The following ANKRD11 variants were observed in gnomAD, a reference collection of about 807,000 sequenced individuals.
ANKRD11 encodes the protein ankyrin repeat domain 11, also known as ankyrin repeat domain-containing protein 11.
Under a neutral mutation model 195.7 loss-of-function variants are expected in ANKRD11, and 17 were observed. The observed-to-expected ratio is 0.09, with a 90% CI of 0.06 to 0.13. ANKRD11 has a LOEUF of 0.13. Among genes scored for constraint, ANKRD11 ranks in the 10% least tolerant of loss-of-function variants. The pLI is 1.00. For synonymous variants in ANKRD11, 1,953 were observed against 1,528.1 expected (o/e 1.28, Z -6.49); for missense variants, 3,735 against 3,566.1 (o/e 1.05, Z -1.21).
chr16:89,408,558 GGCTGACGAGCGTGA>G (rs950040161), intron 2 of ANKRD11, among the ~76,000 whole-genome samples: 19 of 152,346 alleles, frequency 1.2e-4, no homozygotes, highest in African/African-American at 3.8e-4. Context: ...CCAGTGCCCA[GGCTGACGAGCGTGA>G]GCACTGCCCC....
At chr16:89,328,026 A>C (rs2037826894) in intron 2 of ANKRD11, among the ~76,000 whole-genome samples, 1 of 152,260 alleles carries the variant, frequency 6.6e-6, no homozygotes, top group Admixed American at 6.5e-5. Context: ...AGTATCAAAC[A>C]ACAAACATTA....
chr16:89,475,489 T>C (rs934628585), intron 1 of ANKRD11, among the ~76,000 whole-genome samples: 2 of 152,118 alleles, frequency 1.3e-5, no homozygotes, highest in African/African-American at 4.8e-5. Context: ...TAAAATGAAA[T>C]ATTGCAGTCA....
chr16:89,457,761 G>C (rs531718278), intron 1 of ANKRD11, among the ~76,000 whole-genome samples: 14 of 152,078 alleles, frequency 9.2e-5, no homozygotes, highest in African/African-American at 2.9e-4. Context: ...TTAATACCTG[G>C]GGTATCAAAA....
chr16:89,281,265 G>C lies in ANKRD11; in HGVS notation c.5277C>G (p.Ser1759=). The change falls in exon 9 of 13, where the codon TCC becomes TCG. Residue 1759 remains serine, a synonymous_variant. Coordinates refer to ENST00000301030, the MANE Select transcript of ANKRD11 (RefSeq NM_013275.6). This position sits in a 1 kb window ranked among gnomAD's most constrained non-coding sequence, Gnocchi z 5.5. ...AAGCCACGGAGAACCTGTCGAAAAAGGAGGGGGAGCAGGCGCTGGTGGGAG... is the reference window on the plus strand; with the variant it reads ...AAGCCACGGAGAACCTGTCGAAAAACGAGGGGGAGCAGGCGCTGGTGGGAG... ...PTAPTSACSP[S]FFDRFSVASS... is the part of the protein sequence containing the mutation. The C allele has an allele frequency of 1.2e-6, 2 of 1,614,248 alleles. No homozygotes were observed. The highest frequency in any genetic ancestry group is 2.2e-5 in the East Asian group (1 of 44,886).
rs957028408 is a variant in ANKRD11 at position 89,327,051 on chromosome 16, G to T, written c.-59-9973C>A. 2.9e-3 allele frequency among the ~76,000 whole-genome samples: 438 copies of T among 150,598 alleles called. 4 individuals carry two copies. Among genetic ancestry groups the T allele is most frequent in the Middle Eastern group, 0.014 (4 of 290 alleles). ...ATGCAGAGGTGGGGAATGCAGAGGT[G>T]GGAAATGCAGAGGTGGGGAATGCAG... On this transcript the variant is annotated intron_variant, in intron 2 of 12. Transcript: ENST00000301030.
intron 2 of ANKRD11, among the ~76,000 whole-genome samples, chr16:89,404,786 A>G (rs1213558846): frequency 6.6e-6 from 1 of 152,272 alleles, no homozygotes; most frequent in African/African-American, 2.4e-5. Context: ...TCGCAAGGTC[A>G]TTCTGAGGAT....
At chr16:89,307,585 C>A (rs1446455509) in intron 3 of ANKRD11, among the ~76,000 whole-genome samples, 1 of 152,008 alleles carries the variant, frequency 6.6e-6, no homozygotes, top group Non-Finnish European at 1.5e-5. Flanking sequence ...GTGCAGGTCC[C>A]TCCCGGGCCT....
At chr16:89,311,607 A>C (rs139582896) in intron 3 of ANKRD11, among the ~76,000 whole-genome samples, 86 of 152,374 alleles carry the variant, frequency 5.6e-4, no homozygotes, top group African/African-American at 2.1e-3. Flanking sequence ...CCTACATCTA[A>C]GAACTAAAAC....
At chr16:89,396,256 C>G (rs904498694) in intron 2 of ANKRD11, among the ~76,000 whole-genome samples, 6 of 152,194 alleles carry the variant, frequency 3.9e-5, no homozygotes, top group Non-Finnish European at 1.5e-5. Flanking sequence ...GGATCCACGT[C>G]GGGAGATGCA....
At chr16:89,304,641 TGC>T (rs750100358) in intron 4 of ANKRD11, among the ~76,000 whole-genome samples, 1 of 150,714 alleles carries the variant, frequency 6.6e-6, no homozygotes, top group Non-Finnish European at 1.5e-5. Flanking sequence ...CATGAGGGCA[TGC>T]ACACAGATAC....
intron 1 of ANKRD11, among the ~76,000 whole-genome samples, chr16:89,477,847 G>C (rs531308458): frequency 1.3e-5 from 2 of 151,854 alleles, no homozygotes; most frequent in African/African-American, 4.8e-5. Context: ...TGGCAGGCAG[G>C]AGAACTGCTT....
chr16:89,323,384 C>T lies in ANKRD11; in HGVS notation c.-59-6306G>A, dbSNP rs144493853. 8.1e-4 allele frequency: 1,025 copies of T among 1,269,418 alleles called. 14 individuals are homozygous for T. The African/African-American group carries it at 0.015, about 18-fold the overall frequency. The allele number at this position is 1,269,418 out of a possible 1,614,324, so 78.6% of individuals were successfully genotyped here. A position where few individuals can be genotyped will look rare whatever the true frequency, so the allele number is the denominator to read the frequency against. ...TCTCACCTCTCACCATCTCAGTGGG[C>T]AAGGGGAGAGCAAGCAGCCCAGGGC... On this transcript the variant is annotated intron_variant, in intron 2 of 12. Coordinates refer to ENST00000301030, the MANE Select transcript of ANKRD11 (RefSeq NM_013275.6).
intron 1 of ANKRD11, among the ~76,000 whole-genome samples, chr16:89,435,997 G>A (rs1161667960): frequency 1.3e-5 from 2 of 152,198 alleles, no homozygotes; most frequent in African/African-American, 4.8e-5. Context: ...CAGCCCAGCA[G>A]GTGCTGCTGA....
chr16:89,286,246 C>G (rs915730362), intron 7 of ANKRD11, 60 bp from the exon 8 acceptor site: 3 of 1,598,908 alleles, frequency 1.9e-6, no homozygotes, highest in African/African-American at 1.3e-5. Context: ...CTCTACCGTT[C>G]CGCATAACAC....
chr16:89,278,358 G>C (rs1304525428), intron 9 of ANKRD11: 6 of 365,652 alleles, frequency 1.6e-5, no homozygotes, highest in African/African-American at 1.3e-4. Context: ...AGGGCAGAGA[G>C]TGCACAGGGC....
At chr16:89,450,139 G>A (rs1026939556) in intron 1 of ANKRD11, among the ~76,000 whole-genome samples, 1 of 152,196 alleles carries the variant, frequency 6.6e-6, no homozygotes, top group Non-Finnish European at 1.5e-5. Flanking sequence ...CCTGAGTGAT[G>A]AGAGTACATG....
chr16:89,406,264 G>C (rs1021905283), intron 2 of ANKRD11, among the ~76,000 whole-genome samples: 1 of 152,176 alleles, frequency 6.6e-6, no homozygotes, highest in Non-Finnish European at 1.5e-5. Flanking sequence ...CACACGTGCT[G>C]GTCTCCAGGA....
At chr16:89,297,531 A>G (rs1421573787) in intron 4 of ANKRD11, 1 of 150,722 alleles carries the variant, frequency 6.6e-6, no homozygotes, top group Non-Finnish European at 1.5e-5. Context: ...ACTTCTGGCC[A>G]AGAAGTCTAA....
chr16:89,366,109 G>A (rs1219827614), intron 2 of ANKRD11, among the ~76,000 whole-genome samples: 1 of 123,186 alleles, frequency 8.1e-6, no homozygotes, highest in Non-Finnish European at 1.6e-5. Flanking sequence ...TAGCCTGGGT[G>A]ACAAAGTGAG....
Sources: allele counts gnomAD v4.1 joint callset (sites outside exome capture counted in the v4.1 genomes callset), GRCh38; gene constraint gnomAD v4.1.1; non-coding constraint Gnocchi (gnomAD v3.1); transcripts MANE v1.5; gene names NCBI Gene and HGNC (gene_info 2026-07-23, HGNC 2026-07-21).